Variants in C9orf153 observed in about 807,000 individuals in gnomAD.
C9orf153 encodes chromosome 9 open reading frame 153, also known as uncharacterized protein C9orf153.
Under a neutral mutation model 9.0 loss-of-function variants are expected in C9orf153, and 10 were observed. The observed-to-expected ratio is 1.11, with a 90% CI of 0.69 to 1.89. The LOEUF is 1.89. Ranked by LOEUF, C9orf153 falls within the 40% of genes most tolerant of loss-of-function variation. The pLI is 0.00. For missense variants in C9orf153, 108 were observed against 111.0 expected (o/e 0.97, Z 0.12); for synonymous variants, 35 against 37.3 (o/e 0.94, Z 0.23).
At chr9:86,250,201 CTTTG>C (rs1052136741) in intron 1 of C9orf153, among the ~76,000 whole-genome samples, 4 of 152,174 alleles carry the variant, frequency 2.6e-5, no homozygotes, top group South Asian at 2.1e-4. Flanking sequence ...TCTTTTTAAA[CTTTG>C]TTTTTCTTTT....
chr9:86,258,492 C>T (rs1587814088), intron 1 of C9orf153: 1 of 152,284 alleles, frequency 6.6e-6, no homozygotes, highest in East Asian at 1.9e-4. Context: ...AAGAACGGCC[C>T]TCCTCTGTTG....
chr9:86,233,321 T>A (rs964221828), intron 1 of C9orf153, among the ~76,000 whole-genome samples: 1 of 152,198 alleles, frequency 6.6e-6, no homozygotes, highest in African/African-American at 2.4e-5. Flanking sequence ...TATAATGACA[T>A]TTAGCTTCCA....
intron 1 of C9orf153, among the ~76,000 whole-genome samples, chr9:86,233,012 C>T (rs1374305861): frequency 2.0e-5 from 3 of 152,082 alleles, no homozygotes; most frequent in Non-Finnish European, 4.4e-5. Flanking sequence ...GGATTACAAG[C>T]GTGCACCATT....
intron 3 of C9orf153, among the ~76,000 whole-genome samples, chr9:86,226,828 G>A (rs1168829001): frequency 1.3e-5 from 2 of 151,800 alleles, no homozygotes; most frequent in East Asian, 1.9e-4. Context: ...ACAATGGTGC[G>A]ATCTCTGCTC....
intron 1 of C9orf153, among the ~76,000 whole-genome samples, chr9:86,242,482 C>A (rs1824770808): frequency 2.0e-5 from 3 of 152,014 alleles, no homozygotes; most frequent in African/African-American, 7.2e-5. Flanking sequence ...CTCTGGCTGC[C>A]ATGTACAGCT....
At chr9:86,249,077 A>C (rs1824934806) in intron 1 of C9orf153, among the ~76,000 whole-genome samples, 1 of 152,206 alleles carries the variant, frequency 6.6e-6, no homozygotes, top group Non-Finnish European at 1.5e-5. Flanking sequence ...GTAAGTATAA[A>C]ATTATTTACA....
At chr9:86,253,559 A>G (rs1182337188) in intron 1 of C9orf153, among the ~76,000 whole-genome samples, 3 of 152,252 alleles carry the variant, frequency 2.0e-5, no homozygotes, top group Admixed American at 6.5e-5. Flanking sequence ...AAAAGAGCCC[A>G]TATAACCAAC....
chr9:86,236,548 CAAAAAAAAAAA>C (rs976982879), intron 1 of C9orf153, among the ~76,000 whole-genome samples: 1 of 65,370 alleles, frequency 1.5e-5, no homozygotes, highest in Non-Finnish European at 3.3e-5. Context: ...GACTCCATCT[CAAAAAAAAAAA>C]AAAAAAAAGA....
intron 1 of C9orf153, among the ~76,000 whole-genome samples, chr9:86,237,825 TC>T (rs1195566708): frequency 1.3e-5 from 2 of 152,106 alleles, no homozygotes; most frequent in Non-Finnish European, 2.9e-5. Flanking sequence ...ATGCCTGTAA[TC>T]CCAGTACTTT....
intron 1 of C9orf153, among the ~76,000 whole-genome samples, chr9:86,253,948 G>A (rs1825050418): frequency 6.6e-6 from 1 of 152,084 alleles, no homozygotes. Context: ...AAAGTTAGCT[G>A]GGCATGGTGG....
chr9:86,255,064 G>GA (rs36169949), intron 1 of C9orf153, among the ~76,000 whole-genome samples: 44,229 of 137,516 alleles, frequency 0.32, 6,846 homozygotes, highest in East Asian at 0.45. Flanking sequence ...CGCTGTCTCA[G>GA]AAAAAAAAAA....
chr9:86,245,331 T>C (rs1288580460), intron 1 of C9orf153, among the ~76,000 whole-genome samples: 3 of 152,230 alleles, frequency 2.0e-5, no homozygotes, highest in Non-Finnish European at 4.4e-5. Flanking sequence ...GTTAACTGCA[T>C]GCGCATCATT....
At chr9:86,245,812 AAAAAG>A (rs1222333567) in intron 1 of C9orf153, among the ~76,000 whole-genome samples, 1 of 152,214 alleles carries the variant, frequency 6.6e-6, no homozygotes, top group African/African-American at 2.4e-5. Flanking sequence ...TCTAACAAAT[AAAAAG>A]AAAAGATTTA....
intron 3 of C9orf153, among the ~76,000 whole-genome samples, chr9:86,223,264 A>C (rs1354601246): frequency 6.6e-6 from 1 of 152,006 alleles, no homozygotes; most frequent in African/African-American, 2.4e-5. Flanking sequence ...CGGCCTCCCA[A>C]AATGACCAGC....
chr9:86,225,836 C>T (rs890940337), intron 3 of C9orf153, among the ~76,000 whole-genome samples: 1 of 152,070 alleles, frequency 6.6e-6, no homozygotes, highest in Non-Finnish European at 1.5e-5. Context: ...CCTCTGGGAT[C>T]TCAGGAAATG....
intron 1 of C9orf153, among the ~76,000 whole-genome samples, chr9:86,230,055 C>T (rs1824435852): frequency 6.6e-6 from 1 of 152,148 alleles, no homozygotes; most frequent in South Asian, 2.1e-4. Flanking sequence ...GATCCAGTCA[C>T]CTCCCACCAG....
At chr9:86,228,615 C>A (rs535551357) in intron 2 of C9orf153, among the ~76,000 whole-genome samples, 1 of 152,272 alleles carries the variant, frequency 6.6e-6, no homozygotes, top group East Asian at 1.9e-4. Context: ...AGTAACAGAT[C>A]CCTGAGAGGA....
At chr9:86,235,109 T>G (rs1824552215) in intron 1 of C9orf153, among the ~76,000 whole-genome samples, 1 of 152,140 alleles carries the variant, frequency 6.6e-6, no homozygotes, top group African/African-American at 2.4e-5. Context: ...CATGTTCGGC[T>G]TTCAACAAAA....
chr9:86,237,021 A>T (rs1355807960), intron 1 of C9orf153, among the ~76,000 whole-genome samples: 6 of 152,000 alleles, frequency 3.9e-5, no homozygotes, highest in African/African-American at 1.4e-4. Context: ...ACAAATGACA[A>T]CAATGACATA....
Sources: gnomAD v4.1 joint callset for allele counts (sites outside exome capture counted in the v4.1 genomes callset) on GRCh38, gnomAD v4.1.1 for gene constraint, MANE v1.5 for transcripts, NCBI Gene and HGNC (gene_info 2026-07-23, HGNC 2026-07-21) for gene names.